BCAR3: variants seen among roughly 807,000 people sequenced by gnomAD.
BCAR3 encodes breast cancer anti-estrogen resistance protein 3.
BCAR3 carries 37 observed loss-of-function variants against 80.1 expected under a neutral mutation model. The ratio of observed to expected loss-of-function variants is 0.46; its 90% CI spans 0.36 to 0.61. The LOEUF is 0.61. Ranked by LOEUF, BCAR3 falls within the 20% of genes least tolerant of loss-of-function variation. The probability of loss-of-function intolerance (pLI) is 0.00; values close to 1 mark genes in which losing one functional copy is unlikely to be tolerated. For missense variants in BCAR3, 978 were observed against 1,068.2 expected (o/e 0.92, Z 1.18); for synonymous variants, 389 against 418.9 (o/e 0.93, Z 0.87).
chr1:93,562,884 G>C (rs535550880), intron 11 of BCAR3, among the ~76,000 whole-genome samples: 3 of 151,488 alleles, frequency 2.0e-5, no homozygotes, highest in African/African-American at 7.3e-5. Flanking sequence ...TATAGGATCT[G>C]TTCTATATAA....
intron 2 of BCAR3, among the ~76,000 whole-genome samples, chr1:93,650,752 C>T (rs931564212): frequency 5.9e-5 from 9 of 152,068 alleles, no homozygotes; most frequent in African/African-American, 1.7e-4. Flanking sequence ...CCAAAAAATT[C>T]GGTGATGGGC....
chr1:93,643,545 CAAAA>C (rs547667389), intron 2 of BCAR3, among the ~76,000 whole-genome samples: 49 of 22,296 alleles, frequency 2.2e-3, no homozygotes, highest in African/African-American at 6.0e-3. Context: ...GACTCTTTCT[CAAAA>C]AAAAAAAAAA....
intron 2 of BCAR3, among the ~76,000 whole-genome samples, chr1:93,729,438 T>A (rs922638411): frequency 2.0e-5 from 3 of 152,194 alleles, no homozygotes; most frequent in Non-Finnish European, 2.9e-5. Context: ...CGGGTTCTAC[T>A]GAATGTAGAT....
chr1:93,810,011 G>A (rs1653777939), intron 2 of BCAR3, among the ~76,000 whole-genome samples: 1 of 151,520 alleles, frequency 6.6e-6, no homozygotes, highest in Non-Finnish European at 1.5e-5. Flanking sequence ...GACCAGCCTG[G>A]CCAAGATAGC....
At chr1:93,607,088 G>A (rs1351635263) in intron 3 of BCAR3, among the ~76,000 whole-genome samples, 2 of 152,172 alleles carry the variant, frequency 1.3e-5, no homozygotes, top group African/African-American at 2.4e-5. Context: ...AGACACTGGG[G>A]ACTCCAAAAG....
intron 2 of BCAR3, among the ~76,000 whole-genome samples, chr1:93,836,754 G>T (rs1422572042): frequency 6.6e-6 from 1 of 152,140 alleles, no homozygotes; most frequent in Non-Finnish European, 1.5e-5. Context: ...CAAAAGAAGT[G>T]AAAATGGCCG....
intron 2 of BCAR3, among the ~76,000 whole-genome samples, chr1:93,646,031 T>C (rs1676140428): frequency 6.6e-6 from 1 of 152,136 alleles, no homozygotes; most frequent in Non-Finnish European, 1.5e-5. Context: ...CCTAAATACC[T>C]CTATGTATTT....
intron 3 of BCAR3, among the ~76,000 whole-genome samples, chr1:93,619,384 A>G (rs1244555806): frequency 6.6e-6 from 1 of 152,138 alleles, no homozygotes; most frequent in African/African-American, 2.4e-5. Context: ...GGATTCTTGT[A>G]TCCACTAGAA....
At chr1:93,771,043 T>C (rs1319944916) in intron 2 of BCAR3, among the ~76,000 whole-genome samples, 1 of 152,208 alleles carries the variant, frequency 6.6e-6, no homozygotes, top group Non-Finnish European at 1.5e-5. Context: ...TCCAATCCAG[T>C]CCTTATCCAG....
intron 3 of BCAR3, among the ~76,000 whole-genome samples, chr1:93,600,998 G>A (rs1674603906): frequency 6.6e-6 from 1 of 152,190 alleles, no homozygotes; most frequent in Non-Finnish European, 1.5e-5. Context: ...GGGTGTGGAG[G>A]AGAGGAGAGA....
chr1:93,795,214 T>C (rs1489680885), intron 2 of BCAR3, among the ~76,000 whole-genome samples: 1 of 68,618 alleles, frequency 1.5e-5, no homozygotes. Context: ...CCTTGCTAGA[T>C]TGGGGAAGTT....
intron 8 of BCAR3, among the ~76,000 whole-genome samples, chr1:93,573,627 A>ATT (rs1274372630): frequency 3.6e-4 from 50 of 138,456 alleles, no homozygotes; most frequent in African/African-American, 1.3e-3. Flanking sequence ...TATTATTATT[A>ATT]TTATTATTTT....
chr1:93,641,900 G>A (rs111374256), intron 3 of BCAR3, among the ~76,000 whole-genome samples: 3 of 152,106 alleles, frequency 2.0e-5, no homozygotes, highest in African/African-American at 4.8e-5. Flanking sequence ...AATGTGACCT[G>A]AACTACACAA....
intron 7 of BCAR3, among the ~76,000 whole-genome samples, chr1:93,580,883 G>A (rs75228561): frequency 0.015 from 2,232 of 152,234 alleles, 28 homozygotes; most frequent in Non-Finnish European, 0.023. Context: ...GTGATGGGCC[G>A]GGTGCGGTGA....
intron 2 of BCAR3, among the ~76,000 whole-genome samples, chr1:93,713,337 G>A (rs906676236): frequency 1.3e-5 from 2 of 152,128 alleles, no homozygotes; most frequent in Non-Finnish European, 2.9e-5. Flanking sequence ...CATGAATATG[G>A]ACCCAAGACT....
chr1:93,624,070 G>C (rs948593061), intron 3 of BCAR3, among the ~76,000 whole-genome samples: 1 of 152,152 alleles, frequency 6.6e-6, no homozygotes, highest in Non-Finnish European at 1.5e-5. Context: ...GATTCATGTT[G>C]TTGGAATGTA....
At position 93,573,615 on chromosome 1, in the gene BCAR3, A is replaced by ATTTGTTTTT. The variant is rs919862286; in HGVS notation, c.1803-1775_1803-1774insAAAAACAAA. On this transcript the variant is annotated intron_variant, in intron 8 of 11. Transcript: ENST00000260502. Reference sequence around the variant, plus strand: ...CATAGACCTAAAATATATTTTTATTATTATTATTATTATTATTATTTTTTT... The same window carrying ATTTGTTTTT: ...CATAGACCTAAAATATATTTTTATTATTTGTTTTTTTATTATTATTATTATTATTTTTTT... Among the ~76,000 whole-genome samples the ATTTGTTTTT allele has an allele frequency of 9.2e-5, 12 of 129,796 alleles. 1 individual carries two copies. Among genetic ancestry groups the ATTTGTTTTT allele is most frequent in the Non-Finnish European group, 1.7e-4 (10 of 60,026 alleles). The allele number at this position is 129,796 out of a possible 152,430, so 85.2% of individuals were successfully genotyped here. A position where few individuals can be genotyped will look rare whatever the true frequency, so the allele number is the denominator to read the frequency against.
chr1:93,808,246 C>A (rs1036395198), intron 2 of BCAR3, among the ~76,000 whole-genome samples: 1 of 151,876 alleles, frequency 6.6e-6, no homozygotes, highest in African/African-American at 2.4e-5. Flanking sequence ...ATGCCCAGAA[C>A]AAATGAATCA....
At chr1:93,615,821 C>T (rs1675104740) in intron 3 of BCAR3, among the ~76,000 whole-genome samples, 3 of 152,138 alleles carry the variant, frequency 2.0e-5, no homozygotes, top group Non-Finnish European at 4.4e-5. Context: ...GCCATTTTCA[C>T]CTGGTATTCT....
Sources: gnomAD v4.1 joint callset for allele counts (sites outside exome capture counted in the v4.1 genomes callset) on GRCh38, gnomAD v4.1.1 for gene constraint, MANE v1.5 for transcripts, NCBI Gene and HGNC (gene_info 2026-07-23, HGNC 2026-07-21) for gene names.